Variants in C8orf34 observed in about 807,000 individuals in gnomAD.
C8orf34 encodes the protein chromosome 8 open reading frame 34, also known as uncharacterized protein C8orf34.
A neutral mutation model predicts 68.3 loss-of-function variants in C8orf34; 65 were observed. The ratio of observed to expected loss-of-function variants is 0.95; its 90% CI spans 0.78 to 1.17. The LOEUF (loss-of-function observed/expected upper bound fraction) is 1.17, where lower values mean the gene tolerates loss of function less well. Among genes scored for constraint, C8orf34 ranks in the 50% most tolerant of loss-of-function variants. The probability of loss-of-function intolerance (pLI) is 0.00; values close to 1 mark genes in which losing one functional copy is unlikely to be tolerated. For synonymous variants in C8orf34, 244 were observed against 241.2 expected (o/e 1.01, Z -0.11); for missense variants, 664 against 655.4 (o/e 1.01, Z -0.14).
chr8:68,572,863 G>C (rs1816797470), intron 7 of C8orf34, among the ~76,000 whole-genome samples: 1 of 152,078 alleles, frequency 6.6e-6, no homozygotes, highest in South Asian at 2.1e-4. Flanking sequence ...ATAATGATAA[G>C]GCATGGCTTA....
At chr8:68,535,154 C>G in intron 7 of C8orf34, 1 of 984,730 alleles carries the variant, frequency 1.0e-6, no homozygotes, top group Non-Finnish European at 1.2e-6. Context: ...TGGATTCCAG[C>G]AAAATGTATG....
chr8:68,513,267 C>A (rs1814358233), intron 5 of C8orf34, among the ~76,000 whole-genome samples: 2 of 151,954 alleles, frequency 1.3e-5, no homozygotes, highest in African/African-American at 2.4e-5. Context: ...TTCTTTAGGC[C>A]AAATTAATTA....
intron 2 of C8orf34, among the ~76,000 whole-genome samples, chr8:68,445,135 C>A (rs548549109): frequency 6.6e-6 from 1 of 152,064 alleles, no homozygotes; most frequent in Non-Finnish European, 1.5e-5. Flanking sequence ...AATTTTCATG[C>A]CTTTTTGGTA....
intron 7 of C8orf34, among the ~76,000 whole-genome samples, chr8:68,595,121 A>AT (rs5892152): frequency 4.6e-5 from 2 of 43,464 alleles, no homozygotes; most frequent in African/African-American, 1.1e-4. Context: ...TAAAAATGGT[A>AT]AAAAAAAAAA....
chr8:68,406,124 A>G (rs1809181732), intron 1 of C8orf34, among the ~76,000 whole-genome samples: 1 of 152,216 alleles, frequency 6.6e-6, no homozygotes, highest in Non-Finnish European at 1.5e-5. Flanking sequence ...GGGACCCAAC[A>G]TGGGGCTAAA....
At chr8:68,671,906 A>G (rs1192647662) in intron 8 of C8orf34, among the ~76,000 whole-genome samples, 3 of 152,186 alleles carry the variant, frequency 2.0e-5, no homozygotes, top group Non-Finnish European at 4.4e-5. Context: ...TTTGTGCTAG[A>G]TACAGTATAA....
At chr8:68,492,437 C>T (rs561744866) in intron 5 of C8orf34, among the ~76,000 whole-genome samples, 1 of 152,008 alleles carries the variant, frequency 6.6e-6, no homozygotes, top group East Asian at 2.0e-4. Flanking sequence ...CTATGTTGCT[C>T]AAGCTTGTCT....
chr8:68,745,648 A>G (rs974449887), intron 10 of C8orf34, among the ~76,000 whole-genome samples: 1 of 152,172 alleles, frequency 6.6e-6, no homozygotes, highest in Non-Finnish European at 1.5e-5. Flanking sequence ...AGGCCATTAC[A>G]TAATGGTAAA....
chr8:68,568,342 T>C (rs560252173), intron 7 of C8orf34, among the ~76,000 whole-genome samples: 1 of 152,296 alleles, frequency 6.6e-6, no homozygotes, highest in East Asian at 1.9e-4. Context: ...GCTTTCCCTG[T>C]GTCTCTCTCA....
chr8:68,530,881 G>T (rs2129803010), intron 6 of C8orf34, among the ~76,000 whole-genome samples: 1 of 152,134 alleles, frequency 6.6e-6, no homozygotes, highest in Non-Finnish European at 1.5e-5. Flanking sequence ...GCCAACATGT[G>T]TATGTTTTCA....
In C8orf34 at chr8:68,535,610, TTAA is replaced by T. The variant is rs1815431349; in HGVS notation, c.1105+2464_1105+2466del. On this transcript the variant is annotated intron_variant, in intron 7 of 13. Transcript: ENST00000518698. ...AACTAGCATTGTTAATATATACTGATTAATATTTAATTATTCACAGTTGTTTAA... is the reference window on the plus strand; with the variant it reads ...AACTAGCATTGTTAATATATACTGATTATTTAATTATTCACAGTTGTTTAA... The T allele has an allele frequency of 3.0e-6, 2 of 664,998 alleles. 1 individual carries two copies. The highest frequency in any genetic ancestry group is 3.7e-6 in the Non-Finnish European group (2 of 537,878). 41.2% of individuals were successfully genotyped at this position (664,998 alleles called of 1,614,324 possible). A position where few individuals can be genotyped will look rare whatever the true frequency, so the allele number is the denominator to read the frequency against.
At chr8:68,787,229 GTTA>G (rs986232306) in intron 11 of C8orf34, among the ~76,000 whole-genome samples, 3 of 151,968 alleles carry the variant, frequency 2.0e-5, no homozygotes, top group African/African-American at 7.3e-5. Flanking sequence ...GACTCTAAAT[GTTA>G]TTAAAAGAAG....
At chr8:68,567,930 A>C (rs770862624) in intron 7 of C8orf34, among the ~76,000 whole-genome samples, 2 of 151,792 alleles carry the variant, frequency 1.3e-5, no homozygotes, top group Non-Finnish European at 2.9e-5. Context: ...AAAGTGAGAG[A>C]CATGCAACCC....
intron 10 of C8orf34, among the ~76,000 whole-genome samples, chr8:68,748,858 A>G (rs1214168142): frequency 1.3e-5 from 2 of 152,192 alleles, no homozygotes; most frequent in Admixed American, 6.5e-5. Context: ...AACTAGAAAT[A>G]CCATTTGACC....
chr8:68,586,306 C>T (rs574334561), intron 7 of C8orf34, among the ~76,000 whole-genome samples: 1 of 152,034 alleles, frequency 6.6e-6, no homozygotes, highest in Non-Finnish European at 1.5e-5. Flanking sequence ...TATGTGATTT[C>T]GATTCTTTCT....
intron 1 of C8orf34, among the ~76,000 whole-genome samples, chr8:68,383,126 G>A (rs1035742950): frequency 2.6e-5 from 4 of 152,108 alleles, no homozygotes; most frequent in African/African-American, 7.2e-5. Context: ...AGATGTGACC[G>A]TCATCCTAGG....
intron 10 of C8orf34, among the ~76,000 whole-genome samples, chr8:68,760,979 G>T (rs1299757175): frequency 6.6e-6 from 1 of 152,164 alleles, no homozygotes; most frequent in Non-Finnish European, 1.5e-5. Context: ...AGCTTCTACA[G>T]CTGTAAAATA....
intron 5 of C8orf34, among the ~76,000 whole-genome samples, chr8:68,495,038 A>G (rs1813469341): frequency 6.6e-6 from 1 of 151,710 alleles, no homozygotes; most frequent in African/African-American, 2.4e-5. Flanking sequence ...CATAAAGCAA[A>G]AGTAAACTTC....
chr8:68,374,179 T>C (rs1807691250), intron 1 of C8orf34, among the ~76,000 whole-genome samples: 1 of 152,180 alleles, frequency 6.6e-6, no homozygotes, highest in South Asian at 2.1e-4. Context: ...CCTCCCAAAG[T>C]GCTAGGATTG....
Sources: gnomAD v4.1 joint callset for allele counts (sites outside exome capture counted in the v4.1 genomes callset) on GRCh38, gnomAD v4.1.1 for gene constraint, MANE v1.5 for transcripts, NCBI Gene and HGNC (gene_info 2026-07-23, HGNC 2026-07-21) for gene names.